The following PTPRD variants were observed in gnomAD, a reference collection of about 807,000 sequenced individuals.
The protein encoded by PTPRD is receptor-type tyrosine-protein phosphatase delta.
Under a neutral mutation model 214.5 loss-of-function variants are expected in PTPRD, and 34 were observed. The ratio of observed to expected loss-of-function variants is 0.16; its 90% CI spans 0.12 to 0.21. PTPRD has a LOEUF of 0.21. Among genes scored for constraint, PTPRD ranks in the 10% least tolerant of loss-of-function variants. The pLI is 1.00. For missense variants in PTPRD, 2,545 were observed against 2,398.7 expected (o/e 1.06, Z -1.27); for synonymous variants, 1,128 against 845.7 (o/e 1.33, Z -5.79).
chr9:9,546,134 T>C (rs1332392695), intron 8 of PTPRD, among the ~76,000 whole-genome samples: 1 of 151,704 alleles, frequency 6.6e-6, no homozygotes, highest in Non-Finnish European at 1.5e-5. Flanking sequence ...TCACTAAATA[T>C]ATAGTTTCAG....
At chr9:9,683,295 CA>C (rs2097108747) in intron 7 of PTPRD, among the ~76,000 whole-genome samples, 1 of 151,624 alleles carries the variant, frequency 6.6e-6, no homozygotes, top group African/African-American at 2.4e-5. Context: ...ACCAGGCACT[CA>C]GGGGTAAATT....
At chr9:10,539,062 G>A (rs1029590900) in intron 2 of PTPRD, among the ~76,000 whole-genome samples, 8 of 152,114 alleles carry the variant, frequency 5.3e-5, no homozygotes, top group African/African-American at 1.9e-4. Context: ...TAATGCAAAT[G>A]CTCCTGAGAA....
chr9:9,596,693 C>G (rs1279671527), intron 7 of PTPRD, among the ~76,000 whole-genome samples: 2 of 152,042 alleles, frequency 1.3e-5, no homozygotes, highest in African/African-American at 4.8e-5. Context: ...GTAAATCAGT[C>G]CATATCCTTC....
At chr9:9,643,365 A>C (rs1371222520) in intron 7 of PTPRD, among the ~76,000 whole-genome samples, 1 of 152,210 alleles carries the variant, frequency 6.6e-6, no homozygotes, top group Non-Finnish European at 1.5e-5. Context: ...ACATTAAAAA[A>C]AGAACATAGG....
chr9:8,359,115 AAAAAAAACAAAAAAAAAAAAAAAC>A lies in PTPRD; in HGVS notation c.4661+16797_4661+16820del, dbSNP rs1038071398. ...AGAGCGAGACTCCGTCTCAAAAAAA[AAAAAAAACAAAAAAAAAAAAAAAC>A]AAAAAAAAATTGAATCAGATTTTAG... On this transcript the variant is annotated intron_variant, in intron 39 of 45. Coordinates refer to ENST00000381196, the MANE Select transcript of PTPRD (RefSeq NM_002839.4). 1.2e-3 allele frequency among the ~76,000 whole-genome samples: 19 copies of A among 15,392 alleles called. 2 individuals carry two copies. The highest frequency in any genetic ancestry group is 4.3e-3 in the East Asian group (1 of 232). 10.1% of individuals were successfully genotyped at this position (15,392 alleles called of 152,430 possible). A position where few individuals can be genotyped will look rare whatever the true frequency, so the allele number is the denominator to read the frequency against.
chr9:9,192,937 A>G (rs1273038928), intron 9 of PTPRD, among the ~76,000 whole-genome samples: 2 of 151,868 alleles, frequency 1.3e-5, no homozygotes, highest in Non-Finnish European at 2.9e-5. Flanking sequence ...CCTCCCCTCC[A>G]CCCTGCAATC....
At chr9:10,035,249 T>C (rs896858577) in intron 3 of PTPRD, among the ~76,000 whole-genome samples, 2 of 152,182 alleles carry the variant, frequency 1.3e-5, no homozygotes, top group African/African-American at 2.4e-5. Flanking sequence ...GTAGGTCTTC[T>C]TTTGAGAAGT....
At chr9:9,086,181 A>G (rs988988981) in intron 10 of PTPRD, among the ~76,000 whole-genome samples, 2 of 152,222 alleles carry the variant, frequency 1.3e-5, no homozygotes, top group Non-Finnish European at 2.9e-5. Context: ...ATTTTTCACT[A>G]AAGATGACTT....
At chr9:10,490,312 A>C (rs1049324802) in intron 2 of PTPRD, among the ~76,000 whole-genome samples, 1 of 152,208 alleles carries the variant, frequency 6.6e-6, no homozygotes, top group Admixed American at 6.5e-5. Context: ...TGAATGATTT[A>C]AATATCTGAC....
chr9:9,125,931 C>A (rs980869798), intron 10 of PTPRD, among the ~76,000 whole-genome samples: 2 of 152,098 alleles, frequency 1.3e-5, no homozygotes, highest in South Asian at 4.1e-4. Context: ...GCCAAGTGAA[C>A]AGCAAGGGGT....
intron 14 of PTPRD, among the ~76,000 whole-genome samples, chr9:8,607,786 A>T (rs1403277675): frequency 6.6e-6 from 1 of 152,252 alleles, no homozygotes; most frequent in Non-Finnish European, 1.5e-5. Flanking sequence ...ATAGTCACTT[A>T]ATAAATAAAC....
chr9:9,584,484 A>G (rs2091538023), intron 7 of PTPRD, among the ~76,000 whole-genome samples: 1 of 151,920 alleles, frequency 6.6e-6, no homozygotes, highest in South Asian at 2.1e-4. Context: ...TAGCCACTAA[A>G]GTAAAATATC....
At chr9:9,330,821 T>TA (rs1452426638) in intron 9 of PTPRD, among the ~76,000 whole-genome samples, 1 of 151,628 alleles carries the variant, frequency 6.6e-6, no homozygotes, top group Non-Finnish European at 1.5e-5. Context: ...ACTTTTTTTC[T>TA]AGGAAGAAAG....
intron 2 of PTPRD, among the ~76,000 whole-genome samples, chr9:10,552,479 T>A (rs1381254029): frequency 6.6e-6 from 1 of 152,154 alleles, no homozygotes; most frequent in Admixed American, 6.5e-5. Context: ...GTCTTTTTTT[T>A]CTACATGATC....
chr9:10,434,348 C>A (rs1343662577), intron 2 of PTPRD, among the ~76,000 whole-genome samples: 2 of 151,786 alleles, frequency 1.3e-5, no homozygotes, highest in African/African-American at 2.4e-5. Flanking sequence ...AGATTCCCGA[C>A]TACAAAAATT....
At chr9:9,547,292 G>A (rs185026811) in intron 8 of PTPRD, among the ~76,000 whole-genome samples, 121 of 152,162 alleles carry the variant, frequency 8.0e-4, no homozygotes, top group African/African-American at 2.7e-3. Context: ...AATGTGCAGA[G>A]CTTACTACAG....
At chr9:8,787,845 T>G (rs1233690695) in intron 11 of PTPRD, among the ~76,000 whole-genome samples, 1 of 152,166 alleles carries the variant, frequency 6.6e-6, no homozygotes, top group East Asian at 1.9e-4. Flanking sequence ...ATCTTCCAAA[T>G]GAATGATGGA....
chr9:10,189,130 T>A (rs1027419499), intron 3 of PTPRD, among the ~76,000 whole-genome samples: 3 of 152,148 alleles, frequency 2.0e-5, no homozygotes, highest in Admixed American at 2.0e-4. Flanking sequence ...CCTCTGTATG[T>A]AAGTTCTATG....
chr9:10,151,832 A>C (rs926582001), intron 3 of PTPRD, among the ~76,000 whole-genome samples: 3 of 152,140 alleles, frequency 2.0e-5, no homozygotes, highest in Non-Finnish European at 4.4e-5. Context: ...AGAATCCTAC[A>C]ATAGCTAGGC....
Sources: gnomAD v4.1 joint callset for allele counts (sites outside exome capture counted in the v4.1 genomes callset) on GRCh38, gnomAD v4.1.1 for gene constraint, MANE v1.5 for transcripts, NCBI Gene and HGNC (gene_info 2026-07-23, HGNC 2026-07-21) for gene names.